Variants in RNF13 observed in about 807,000 individuals in gnomAD.
The protein encoded by RNF13 is ring finger protein 13.
A neutral mutation model predicts 37.7 loss-of-function variants in RNF13; 19 were observed. The observed-to-expected ratio is 0.50, with a 90% CI of 0.35 to 0.74. RNF13 has a LOEUF of 0.74. Among genes scored for constraint, RNF13 ranks in the 30% least tolerant of loss-of-function variants. RNF13 has a pLI of 0.01. For synonymous variants in RNF13, 144 were observed against 157.8 expected (o/e 0.91, Z 0.65); for missense variants, 375 against 453.0 (o/e 0.83, Z 1.56).
chr3:149,843,974 C>T (rs1435592584), intron 1 of RNF13, among the ~76,000 whole-genome samples: 1 of 152,170 alleles, frequency 6.6e-6, no homozygotes, highest in African/African-American at 2.4e-5. Flanking sequence ...TTTATTTTCC[C>T]TCCAAACTCT....
chr3:149,939,121 T>C lies in RNF13; in HGVS notation c.700+17894T>C, dbSNP rs189717448. On this transcript the variant is annotated intron_variant, in intron 8 of 9. Coordinates refer to ENST00000392894, the MANE Select transcript of RNF13 (RefSeq NM_183381.3). ...ACAGAACTAGGTCCTTTTCGTGTTT[T>C]AGGAGTTTTTTCCTGTTTTTTGAAA... 5.8e-4 allele frequency: 296 copies of C among 514,764 alleles called. 1 individual carries two copies. The highest frequency in any genetic ancestry group is 5.2e-3 in the African/African-American group (265 of 51,010). The allele number at this position is 514,764 out of a possible 1,614,324, so 31.9% of individuals were successfully genotyped here.
chr3:149,941,574 TTATA>T (rs1475805705), intron 8 of RNF13, among the ~76,000 whole-genome samples: 1 of 151,550 alleles, frequency 6.6e-6, no homozygotes, highest in African/African-American at 2.4e-5. Flanking sequence ...TAGAAGTTCC[TTATA>T]TAGTCTGGAT....
At chr3:149,849,399 A>T (rs927146682) in intron 2 of RNF13, among the ~76,000 whole-genome samples, 2 of 152,214 alleles carry the variant, frequency 1.3e-5, no homozygotes, top group African/African-American at 4.8e-5. Context: ...TGTAGCAAAG[A>T]AACACCCAAT....
intron 8 of RNF13, among the ~76,000 whole-genome samples, chr3:149,922,745 C>T (rs1289639563): frequency 1.3e-5 from 2 of 152,056 alleles, no homozygotes; most frequent in African/African-American, 2.4e-5. Context: ...GAGGAAAAAT[C>T]GGGTCAGGGA....
chr3:149,824,681 G>A lies in RNF13; in HGVS notation c.-17+11328G>A, dbSNP rs181742504. 3.3e-3 allele frequency among the ~76,000 whole-genome samples: 491 copies of A among 150,002 alleles called. 1 individual carries two copies. Among genetic ancestry groups the A allele is most frequent in the South Asian group, 0.015 (74 of 4,782 alleles). ...TCCTTTGGGGCTTTTTTTTTTTAAA[G>A]ATATACACACAAATATAGTTAGGTA... On this transcript the variant is annotated intron_variant, in intron 1 of 9. Coordinates refer to ENST00000392894, the MANE Select transcript of RNF13 (RefSeq NM_183381.3).
intron 7 of RNF13, among the ~76,000 whole-genome samples, chr3:149,915,134 TTC>T (rs1717374732): frequency 1.3e-5 from 2 of 152,328 alleles, no homozygotes; most frequent in South Asian, 4.1e-4. Flanking sequence ...TAATTGGTTT[TTC>T]TCTCTTTTAT....
At chr3:149,828,728 C>T (rs1720739602) in intron 1 of RNF13, among the ~76,000 whole-genome samples, 1 of 151,996 alleles carries the variant, frequency 6.6e-6, no homozygotes, top group African/African-American at 2.4e-5. Flanking sequence ...TATTGACTTG[C>T]AAGAAGTTTA....
rs181782003 is a variant in RNF13 at position 149,960,767 on chromosome 3, G to A, written c.809G>A (p.Trp270Ter). Residue 270 changes from tryptophan to a stop codon, truncating the protein, a stop_gained, in exon 10 of 10, where the codon TGG (tryptophan) becomes TAG (stop). Transcript: ENST00000392894. LOFTEE classifies it high-confidence loss of function. ...HAYHCKCVDPWLTKTKKTCPV... is the reference protein window; with the variant it reads ...HAYHCKCVDP ...TATCACTGCAAGTGTGTAGACCCTTGGCTAACTAAAACCAAAAAAACCTGT... is the reference window on the plus strand; with the variant it reads ...TATCACTGCAAGTGTGTAGACCCTTAGCTAACTAAAACCAAAAAAACCTGT... 1 of 1,613,510 alleles carries A rather than the reference G, an allele frequency of 6.2e-7. No homozygotes were observed. Among genetic ancestry groups the A allele is most frequent in the Non-Finnish European group, 8.5e-7 (1 of 1,179,780 alleles).
chr3:149,837,715 A>G (rs1277170067), intron 1 of RNF13, among the ~76,000 whole-genome samples: 2 of 152,256 alleles, frequency 1.3e-5, no homozygotes, highest in South Asian at 2.1e-4. Flanking sequence ...CCCACAACAC[A>G]TGGGAATTCA....
At chr3:149,868,633 T>C (rs1262428351) in intron 3 of RNF13, among the ~76,000 whole-genome samples, 2 of 151,174 alleles carry the variant, frequency 1.3e-5, no homozygotes, top group Non-Finnish European at 3.0e-5. Context: ...TTCTGTTCTT[T>C]CCTTTCTTTC....
intron 8 of RNF13, 58 bp from the exon 9 acceptor site, chr3:149,959,998 C>T: frequency 8.6e-7 from 1 of 1,163,464 alleles, no homozygotes. Context: ...TAACTGAGGA[C>T]TAACTTGAAA....
At chr3:149,904,822 T>C (rs1165619136) in intron 6 of RNF13, among the ~76,000 whole-genome samples, 1 of 152,130 alleles carries the variant, frequency 6.6e-6, no homozygotes, top group African/African-American at 2.4e-5. Context: ...TTTAAAAATA[T>C]GTAGGAAAAT....
At position 149,814,912 on chromosome 3, in the gene RNF13, G is replaced by C. The variant is rs180741531; in HGVS notation, c.-17+1559G>C. 6.8e-3 allele frequency among the ~76,000 whole-genome samples: 1,037 copies of C among 151,872 alleles called. 9 individuals carry two copies. Among genetic ancestry groups the C allele is most frequent in the Non-Finnish European group, 7.3e-3 (499 of 67,936 alleles). On this transcript the variant is annotated intron_variant, in intron 1 of 9. Coordinates refer to ENST00000392894, the MANE Select transcript of RNF13 (RefSeq NM_183381.3). ...GGCACAGTTATTTTTCTCTATGTAG[G>C]GAATGAGAACTGTTTTATTAGTTTT...
At chr3:149,862,577 C>T (rs1724371664) in intron 3 of RNF13, among the ~76,000 whole-genome samples, 1 of 152,116 alleles carries the variant, frequency 6.6e-6, no homozygotes, top group African/African-American at 2.4e-5. Flanking sequence ...TTCCATCTAA[C>T]ACTATATTTG....
chr3:149,815,878 T>C (rs186510502), intron 1 of RNF13, among the ~76,000 whole-genome samples: 23 of 152,098 alleles, frequency 1.5e-4, no homozygotes, highest in Middle Eastern at 3.4e-3. Context: ...CTTACAGTCA[T>C]TGATGTGGTA....
chr3:149,875,036 T>C (rs1712527746), intron 4 of RNF13, among the ~76,000 whole-genome samples: 1 of 152,124 alleles, frequency 6.6e-6, no homozygotes, highest in Admixed American at 6.5e-5. Flanking sequence ...TAGTGGTTCA[T>C]TCATGTATAT....
rs144103106 is a variant in RNF13, at chr3:149,929,666, AGTT to A, written c.700+8452_700+8454del. Among the ~76,000 whole-genome samples, 1,413 of 152,088 alleles carry A rather than the reference AGTT, an allele frequency of 9.3e-3. 18 individuals carry two copies. The highest frequency in any genetic ancestry group is 0.032 in the African/African-American group (1,320 of 41,490). ...TTCACCAGTGAGTATTTTAGTTGTG[AGTT>A]GTTGTTGTTGTTTTTAATAAATGCC... On this transcript the variant is annotated intron_variant, in intron 8 of 9. Coordinates refer to ENST00000392894, the MANE Select transcript of RNF13 (RefSeq NM_183381.3).
At chr3:149,883,621 G>A (rs769057713) in intron 4 of RNF13, among the ~76,000 whole-genome samples, 3 of 151,048 alleles carry the variant, frequency 2.0e-5, no homozygotes, top group Non-Finnish European at 4.4e-5. Context: ...TAATTTCTGG[G>A]TCTGTTTCTG....
chr3:149,879,202 T>C (rs1713094416), intron 4 of RNF13, among the ~76,000 whole-genome samples: 1 of 152,190 alleles, frequency 6.6e-6, no homozygotes, highest in Non-Finnish European at 1.5e-5. Flanking sequence ...ATTTAAATAA[T>C]AGTAAAATGA....
Sources: allele counts gnomAD v4.1 joint callset (sites outside exome capture counted in the v4.1 genomes callset), GRCh38; gene constraint gnomAD v4.1.1; transcripts MANE v1.5; gene names NCBI Gene and HGNC (gene_info 2026-07-23, HGNC 2026-07-21).